CNTNAP2: variants seen among roughly 807,000 people sequenced by gnomAD.
The protein encoded by CNTNAP2 is contactin-associated protein-like 2.
A neutral mutation model predicts 155.2 loss-of-function variants in CNTNAP2; 98 were observed. The ratio of observed to expected loss-of-function variants is 0.63; its 90% confidence interval spans 0.54 to 0.75. The LOEUF is 0.75. Among genes scored for constraint, CNTNAP2 ranks in the 30% least tolerant of loss-of-function variants. The pLI, the probability that CNTNAP2 is intolerant of heterozygous loss-of-function variation, is 0.00. For synonymous variants in CNTNAP2, 651 were observed against 631.2 expected (o/e 1.03, Z -0.47); for missense variants, 1,727 against 1,688.1 (o/e 1.02, Z -0.40).
chr7:147,753,293 G>C (rs1797167607), intron 13 of CNTNAP2, among the ~76,000 whole-genome samples: 1 of 152,302 alleles, frequency 6.6e-6, no homozygotes, highest in African/African-American at 2.4e-5. Flanking sequence ...GACTCTACCT[G>C]TCACTATGCA....
At chr7:146,685,093 A>G (rs1474839036) in intron 1 of CNTNAP2, among the ~76,000 whole-genome samples, 2 of 152,196 alleles carry the variant, frequency 1.3e-5, no homozygotes, top group African/African-American at 2.4e-5. Context: ...ATTATTTTCA[A>G]CATTGTTCTA....
chr7:146,841,376 G>C (rs573977404), intron 3 of CNTNAP2, among the ~76,000 whole-genome samples: 4 of 146,980 alleles, frequency 2.7e-5, no homozygotes, highest in African/African-American at 7.3e-5. Context: ...GGGGTTGGGT[G>C]GGGGGAAGGG....
At chr7:147,308,683 A>T (rs529570540) in intron 9 of CNTNAP2, among the ~76,000 whole-genome samples, 90 of 152,314 alleles carry the variant, frequency 5.9e-4, no homozygotes, top group Non-Finnish European at 8.4e-4. Context: ...CCTAAAACTA[A>T]GGAATTTGTT....
chr7:147,792,467 CATA>C (rs781052171), intron 13 of CNTNAP2, among the ~76,000 whole-genome samples: 25 of 152,048 alleles, frequency 1.6e-4, no homozygotes, highest in Non-Finnish European at 1.6e-4. Flanking sequence ...TTTCACTTAG[CATA>C]ATGTTTTTGA....
At chr7:146,119,849 C>A (rs954027154) in intron 1 of CNTNAP2, among the ~76,000 whole-genome samples, 4 of 151,602 alleles carry the variant, frequency 2.6e-5, no homozygotes, top group African/African-American at 7.3e-5. Context: ...CGATTTTATA[C>A]GTGTATATAT....
intron 13 of CNTNAP2, among the ~76,000 whole-genome samples, chr7:147,793,681 T>A (rs1797852810): frequency 6.6e-6 from 1 of 152,116 alleles, no homozygotes; most frequent in African/African-American, 2.4e-5. Flanking sequence ...AAATTTAAGA[T>A]CAGCTTGTCA....
intron 16 of CNTNAP2, among the ~76,000 whole-genome samples, chr7:148,145,917 C>T (rs181449030): frequency 6.6e-6 from 1 of 152,276 alleles, no homozygotes; most frequent in Admixed American, 6.5e-5. Context: ...AAAGTTCTCT[C>T]GCTAACGACA....
intron 3 of CNTNAP2, among the ~76,000 whole-genome samples, chr7:147,041,069 T>C (rs148121660): frequency 1.1e-3 from 166 of 152,326 alleles, no homozygotes; most frequent in African/African-American, 3.9e-3. Flanking sequence ...CCCAGTATGA[T>C]TTCCCATTAC....
At chr7:147,330,921 A>T (rs1490113977) in intron 9 of CNTNAP2, among the ~76,000 whole-genome samples, 1 of 152,124 alleles carries the variant, frequency 6.6e-6, no homozygotes, top group Non-Finnish European at 1.5e-5. Context: ...GTTAAAAAGG[A>T]TTTGAAGAGA....
intron 3 of CNTNAP2, among the ~76,000 whole-genome samples, chr7:146,903,231 C>G (rs1796042319): frequency 6.6e-6 from 1 of 152,116 alleles, no homozygotes; most frequent in South Asian, 2.1e-4. Flanking sequence ...TGGATAAAAT[C>G]CTGTTTTGTC....
intron 1 of CNTNAP2, among the ~76,000 whole-genome samples, chr7:146,168,328 C>A (rs1185880707): frequency 6.6e-6 from 1 of 151,862 alleles, no homozygotes; most frequent in Non-Finnish European, 1.5e-5. Flanking sequence ...ATTCCCTATC[C>A]TATAGATAAT....
At chr7:147,468,904 A>C (rs1307190258) in intron 10 of CNTNAP2, among the ~76,000 whole-genome samples, 3 of 151,418 alleles carry the variant, frequency 2.0e-5, no homozygotes, top group Admixed American at 6.6e-5. Flanking sequence ...GCAGTGACAC[A>C]ATCTGAGCTC....
At chr7:146,903,289 CA>C in intron 3 of CNTNAP2, among the ~76,000 whole-genome samples, 1 of 152,264 alleles carries the variant, frequency 6.6e-6, no homozygotes, top group African/African-American at 2.4e-5. Context: ...TACCCATTTT[CA>C]CAGCTGTAAA....
intron 1 of CNTNAP2, among the ~76,000 whole-genome samples, chr7:146,495,664 C>A (rs1797204109): frequency 6.7e-6 from 1 of 149,620 alleles, no homozygotes; most frequent in Non-Finnish European, 1.5e-5. Flanking sequence ...TAAATGTATG[C>A]TTGGTTTTTT....
At chr7:147,261,103 A>C (rs12112963) in intron 8 of CNTNAP2, among the ~76,000 whole-genome samples, 18,412 of 152,156 alleles carry the variant, frequency 0.12, 1,199 homozygotes, top group Non-Finnish European at 0.15. Flanking sequence ...GGTTCATCCT[A>C]ATATTATGCT....
intron 4 of CNTNAP2, among the ~76,000 whole-genome samples, chr7:147,090,318 T>C (rs1800374171): frequency 6.8e-6 from 1 of 147,590 alleles, no homozygotes. Context: ...ATAGAACATA[T>C]AAGCGTGTGT....
At chr7:146,728,147 T>A (rs145670385) in intron 1 of CNTNAP2, among the ~76,000 whole-genome samples, 1 of 152,100 alleles carries the variant, frequency 6.6e-6, no homozygotes, top group African/African-American at 2.4e-5. Flanking sequence ...ATACCTAGAC[T>A]GAGTTGTACA....
At chr7:146,239,573 C>T (rs1366883606) in intron 1 of CNTNAP2, among the ~76,000 whole-genome samples, 1 of 152,172 alleles carries the variant, frequency 6.6e-6, no homozygotes, top group African/African-American at 2.4e-5. Context: ...TCTGACTTCC[C>T]TCCAGCCTAC....
chr7:147,031,430 TA>T (rs1367007277), intron 3 of CNTNAP2, among the ~76,000 whole-genome samples: 1 of 152,086 alleles, frequency 6.6e-6, no homozygotes, highest in Admixed American at 6.5e-5. Flanking sequence ...TTTGTAATAG[TA>T]AAAAAACCTG....
Sources: gnomAD v4.1 joint callset for allele counts (sites outside exome capture counted in the v4.1 genomes callset) on GRCh38, gnomAD v4.1.1 for gene constraint, MANE v1.5 for transcripts, NCBI Gene and HGNC (gene_info 2026-07-23, HGNC 2026-07-21) for gene names.